Variants in PTCHD4 observed in about 807,000 individuals in gnomAD.
The protein encoded by PTCHD4 is patched domain-containing protein 4.
In PTCHD4, 33 loss-of-function variants were observed where a neutral mutation model predicts 58.1. That is an observed-to-expected ratio of 0.57 (90% confidence interval 0.43 to 0.76). The LOEUF (loss-of-function observed/expected upper bound fraction) is 0.76, where lower values mean the gene tolerates loss of function less well. PTCHD4 is among the 30% of genes least tolerant of loss of function. The pLI is 0.00. For synonymous variants in PTCHD4, 478 were observed against 409.6 expected, an observed-to-expected ratio of 1.17 and a Z score of -2.02; for missense variants, 1,058 against 1,027.1, an observed-to-expected ratio of 1.03 and a Z score of -0.41.
At chr6:47,921,899 C>T (rs1448816678) in intron 4 of PTCHD4, among the ~76,000 whole-genome samples, 1 of 148,792 alleles carries the variant, frequency 6.7e-6, no homozygotes, top group Non-Finnish European at 1.5e-5. Flanking sequence ...ACACTTGAGA[C>T]CAGGAATTTG....
intron 3 of PTCHD4, among the ~76,000 whole-genome samples, chr6:48,026,175 T>A (rs1763238739): frequency 6.6e-6 from 1 of 152,180 alleles, no homozygotes; most frequent in Non-Finnish European, 1.5e-5. Context: ...CCTCCTGGGC[T>A]GGAAAGTGTT....
chr6:47,929,027 T>C lies in PTCHD4; in HGVS notation c.899-49091A>G, dbSNP rs1765723058. On this transcript the variant is annotated intron_variant, in intron 4 of 4. Coordinates refer to ENST00000339488, the MANE Select transcript of PTCHD4 (RefSeq NM_001384253.1). ...GTATAGAGAATGTTTTCAAATTGTC[T>C]GGTTCTAAATAGAGCTGCATTAGAA... is the stretch of plus-strand genomic sequence containing the variant. Among the ~76,000 whole-genome samples, 3 of 150,732 alleles carry C rather than the reference T, an allele frequency of 2.0e-5. No individual in the cohort carries two copies. The South Asian group carries it at 6.3e-4, about 32-fold the overall frequency.
intron 4 of PTCHD4, chr6:47,901,826 T>A (rs1403053520): frequency 3.9e-6 from 5 of 1,291,576 alleles, no homozygotes; most frequent in African/African-American, 1.5e-5. Flanking sequence ...ACATATAATC[T>A]TCCAAATGTG....
At chr6:48,018,101 T>C (rs1428417359) in intron 3 of PTCHD4, among the ~76,000 whole-genome samples, 1 of 152,264 alleles carries the variant, frequency 6.6e-6, no homozygotes, top group East Asian at 1.9e-4. Flanking sequence ...TGAATGATAC[T>C]GTTTATTCAC....
At chr6:47,998,363 C>G (rs988296576) in intron 4 of PTCHD4, among the ~76,000 whole-genome samples, 4 of 152,164 alleles carry the variant, frequency 2.6e-5, no homozygotes, top group African/African-American at 9.7e-5. Context: ...AAAGCAAGAG[C>G]AGCACATATT....
chr6:47,882,979 T>C (rs920195259), intron 4 of PTCHD4, among the ~76,000 whole-genome samples: 4 of 151,532 alleles, frequency 2.6e-5, no homozygotes, highest in Admixed American at 6.6e-5. Flanking sequence ...CTTTTTGAAT[T>C]AAATAAACTA....
chr6:48,030,887 T>C (rs972571660), intron 3 of PTCHD4, among the ~76,000 whole-genome samples: 2 of 152,122 alleles, frequency 1.3e-5, no homozygotes, highest in African/African-American at 4.8e-5. Flanking sequence ...GGCTGACTGC[T>C]TGTACCATCC....
intron 1 of PTCHD4, among the ~76,000 whole-genome samples, chr6:48,070,895 G>A (rs1017256295): frequency 3.9e-5 from 6 of 152,048 alleles, no homozygotes; most frequent in African/African-American, 1.4e-4. Flanking sequence ...CTATACCTTC[G>A]TTATTACATT....
intron 3 of PTCHD4, among the ~76,000 whole-genome samples, chr6:48,045,733 CAGGATGCAATTCCA>C (rs1764011462): frequency 6.6e-6 from 1 of 151,306 alleles, no homozygotes; most frequent in African/African-American, 2.4e-5. Context: ...GTAACAAGGC[CAGGATGCAATTCCA>C]AGTTGGTCTG....
chr6:48,041,641 C>A (rs189852489), intron 3 of PTCHD4, among the ~76,000 whole-genome samples: 1 of 151,914 alleles, frequency 6.6e-6, no homozygotes, highest in African/African-American at 2.4e-5. Flanking sequence ...GATTATTGTC[C>A]GGTATGTCAA....
At chr6:48,031,603 T>G (rs1763443021) in intron 3 of PTCHD4, among the ~76,000 whole-genome samples, 1 of 151,922 alleles carries the variant, frequency 6.6e-6, no homozygotes, top group South Asian at 2.1e-4. Flanking sequence ...ATAGAAGCCG[T>G]GGGGGGAATC....
At position 47,868,946 on chromosome 6, in the gene PTCHD4, A is replaced by G. The variant is rs1763646144; in HGVS notation, c.*9357T>C. Among the ~76,000 whole-genome samples the G allele has an allele frequency of 6.6e-6, 1 of 151,764 alleles. No individual in the cohort carries two copies. Among genetic ancestry groups the G allele is most frequent in the South Asian group, 2.1e-4 (1 of 4,828 alleles). On this transcript the variant is annotated 3_prime_UTR_variant, in exon 5 of 5. Coordinates refer to ENST00000339488, the MANE Select transcript of PTCHD4 (RefSeq NM_001384253.1). ...AGACATAAAGGCATCCTTGTTTTTAAGAAAACATACGGCAAACTATATAAA... is the reference window on the plus strand; with the variant it reads ...AGACATAAAGGCATCCTTGTTTTTAGGAAAACATACGGCAAACTATATAAA...
chr6:48,075,948 C>T (rs1327189150), intron 1 of PTCHD4, among the ~76,000 whole-genome samples: 3 of 152,176 alleles, frequency 2.0e-5, no homozygotes, highest in East Asian at 3.9e-4. Flanking sequence ...TTGACTTTTC[C>T]TTTCATGAAA....
intron 4 of PTCHD4, among the ~76,000 whole-genome samples, chr6:47,982,223 C>A (rs1161676871): frequency 1.3e-5 from 2 of 152,088 alleles, no homozygotes; most frequent in African/African-American, 4.8e-5. Flanking sequence ...AGGAGGGGAG[C>A]TATTAAAAAT....
intron 4 of PTCHD4, among the ~76,000 whole-genome samples, chr6:47,968,943 T>C (rs1767400483): frequency 6.6e-6 from 1 of 152,200 alleles, no homozygotes; most frequent in African/African-American, 2.4e-5. Flanking sequence ...GTAATTTGTT[T>C]CTTTGTTAAA....
At chr6:48,082,892 C>T (rs890670431) in intron 1 of PTCHD4, among the ~76,000 whole-genome samples, 4 of 151,698 alleles carry the variant, frequency 2.6e-5, no homozygotes, top group Non-Finnish European at 4.4e-5. Flanking sequence ...CAGATTTACT[C>T]TCATTTATTT....
intron 1 of PTCHD4, among the ~76,000 whole-genome samples, chr6:48,083,051 A>C (rs1169757440): frequency 6.6e-6 from 1 of 151,356 alleles, no homozygotes; most frequent in Non-Finnish European, 1.5e-5. Flanking sequence ...AATTACCGGC[A>C]TATTTGCACA....
chr6:47,942,146 T>A (rs1219958364), intron 4 of PTCHD4, among the ~76,000 whole-genome samples: 1 of 152,176 alleles, frequency 6.6e-6, no homozygotes, highest in African/African-American at 2.4e-5. Flanking sequence ...TTATACAAAA[T>A]CAAACACACT....
chr6:47,966,926 A>T (rs1278716379), intron 4 of PTCHD4, among the ~76,000 whole-genome samples: 1 of 152,156 alleles, frequency 6.6e-6, no homozygotes. Flanking sequence ...CTTCAAAATC[A>T]TCCATGAGTG....
Sources: allele counts gnomAD v4.1 joint callset (sites outside exome capture counted in the v4.1 genomes callset), GRCh38; gene constraint gnomAD v4.1.1; transcripts MANE v1.5; gene names NCBI Gene and HGNC (gene_info 2026-07-23, HGNC 2026-07-21).